Variants in COL4A2 observed in about 807,000 individuals in gnomAD.
COL4A2 encodes collagen type IV alpha 2 chain, also known as collagen alpha-2(IV) chain.
In COL4A2, 99 loss-of-function variants were observed where a neutral mutation model predicts 200.2. That is an observed-to-expected ratio of 0.49 (90% CI 0.42 to 0.58). The LOEUF (loss-of-function observed/expected upper bound fraction) is 0.58, where lower values mean the gene tolerates loss of function less well. Among genes scored for constraint, COL4A2 ranks in the 20% least tolerant of loss-of-function variants. COL4A2 has a pLI of 0.00. For missense variants in COL4A2, 1,950 were observed against 2,314.1 expected (o/e 0.84, Z 3.23); for synonymous variants, 897 against 900.6 (o/e 1.00, Z 0.07).
chr13:110,430,066 C>A, intron 8 of COL4A2, 110 bp downstream of exon 8: 1 of 1,130,560 alleles, frequency 8.8e-7, no homozygotes, highest in Non-Finnish European at 1.2e-6. Context: ...GTACTGAAGG[C>A]ATGCCTAGAA....
chr13:110,345,387 G>T (rs944357697), intron 3 of COL4A2, among the ~76,000 whole-genome samples: 2 of 152,164 alleles, frequency 1.3e-5, no homozygotes, highest in African/African-American at 4.8e-5. Context: ...TGGATGCAGG[G>T]GAGCAGAACC....
At chr13:110,479,608 G>T (rs903188975) in intron 30 of COL4A2, among the ~76,000 whole-genome samples, 5 of 152,218 alleles carry the variant, frequency 3.3e-5, no homozygotes, top group Non-Finnish European at 5.9e-5. Context: ...TTGGAGCCCC[G>T]AGGCAGAGGG....
intron 4 of COL4A2, among the ~76,000 whole-genome samples, chr13:110,405,137 A>G (rs1042626780): frequency 2.0e-5 from 3 of 152,204 alleles, no homozygotes; most frequent in Non-Finnish European, 2.9e-5. Context: ...AGAAATAAAT[A>G]AAATTTAAAA....
chr13:110,468,196 G>A (rs1215512437), intron 27 of COL4A2: 1 of 471,360 alleles, frequency 2.1e-6, no homozygotes. Context: ...GTGATCACAG[G>A]GCCTGGGGAG....
At chr13:110,436,409 AAGG>A in intron 13 of COL4A2, 42 bp downstream of exon 13, 1 of 1,594,574 alleles carries the variant, frequency 6.3e-7, no homozygotes, top group Non-Finnish European at 8.6e-7. Flanking sequence ...GAAATAAAAA[AAGG>A]AGAGTAAAAG....
intron 3 of COL4A2, among the ~76,000 whole-genome samples, chr13:110,309,248 G>T (rs1884905860): frequency 6.6e-6 from 1 of 152,180 alleles, no homozygotes; most frequent in Non-Finnish European, 1.5e-5. Flanking sequence ...TGTTGGTTCC[G>T]GTTCAAAGCT....
intron 3 of COL4A2, among the ~76,000 whole-genome samples, chr13:110,317,614 A>C (rs145135520): frequency 0.013 from 1,999 of 152,276 alleles, 52 homozygotes; most frequent in African/African-American, 0.046. Flanking sequence ...AGAGGCCCTT[A>C]AAGGATGACC....
Position 110,385,629 on chromosome 13 carries a change from G to A in COL4A2, c.180+28077G>A. Among the ~76,000 whole-genome samples, 2 of 150,290 alleles carry A rather than the reference G, an allele frequency of 1.3e-5. 1 individual carries two copies. Among genetic ancestry groups the A allele is most frequent in the East Asian group, 3.9e-4 (2 of 5,140 alleles). The stretch of plus-strand genomic sequence containing the variant: ...TGGATAGGCCGTGGCTACAGTGTGT[G>A]GATAGGCCGTGGCTACAGTGTGTGG... On this transcript the variant is annotated intron_variant, in intron 4 of 47. Coordinates refer to ENST00000360467, the MANE Select transcript of COL4A2 (RefSeq NM_001846.4).
At chr13:110,316,721 A>G (rs1340708999) in intron 3 of COL4A2, among the ~76,000 whole-genome samples, 2 of 152,204 alleles carry the variant, frequency 1.3e-5, no homozygotes, top group African/African-American at 4.8e-5. Flanking sequence ...GGGTAAACTG[A>G]GGCATGTGCA....
intron 4 of COL4A2, among the ~76,000 whole-genome samples, chr13:110,394,728 CG>C (rs1879126611): frequency 6.6e-6 from 1 of 152,116 alleles, no homozygotes; most frequent in African/African-American, 2.4e-5. Flanking sequence ...GCGGGTGGGC[CG>C]ATGAATTACT....
At chr13:110,469,057 T>C (rs193272451) in intron 27 of COL4A2, among the ~76,000 whole-genome samples, 160 bp from the exon 28 acceptor site, 1 of 152,162 alleles carries the variant, frequency 6.6e-6, no homozygotes, top group African/African-American at 2.4e-5. Flanking sequence ...ACACTGAAAA[T>C]CATTCTGTAA....
At chr13:110,454,919 C>T (rs1390171684) in intron 20 of COL4A2, among the ~76,000 whole-genome samples, 1 of 152,160 alleles carries the variant, frequency 6.6e-6, no homozygotes, top group African/African-American at 2.4e-5. Context: ...GTCCCCACCC[C>T]CTGCCACCCC....
chr13:110,321,019 TA>T (rs1885260462), intron 3 of COL4A2, among the ~76,000 whole-genome samples: 1 of 152,198 alleles, frequency 6.6e-6, no homozygotes, highest in African/African-American at 2.4e-5. Context: ...TTCATGTGTT[TA>T]AAAACTAGGT....
intron 29 of COL4A2, among the ~76,000 whole-genome samples, chr13:110,475,742 G>A (rs1188530432): frequency 3.3e-5 from 5 of 152,320 alleles, no homozygotes; most frequent in African/African-American, 9.6e-5. Flanking sequence ...TGTGCAGGAC[G>A]GCCACAAACA....
intron 11 of COL4A2, among the ~76,000 whole-genome samples, chr13:110,433,416 CTT>C (rs1880757268): frequency 6.7e-6 from 1 of 150,258 alleles, no homozygotes; most frequent in Non-Finnish European, 1.5e-5. Flanking sequence ...TTCCTGGTGA[CTT>C]TGACGACCAG....
Position 110,424,634 on chromosome 13 carries a change from T to C in COL4A2, c.181-100T>C. 3 of 725,746 alleles carry C rather than the reference T, an allele frequency of 4.1e-6. No individual in the cohort carries two copies. In the East Asian group the frequency reaches 7.7e-5, roughly 19 times the overall value. 45.0% of individuals were successfully genotyped at this position (725,746 alleles called of 1,614,324 possible). ...ATGTTCCCTGTAGATTATAGCTCTT[T>C]AAAAACAAAAAAAAAAATGTAGTTT... On this transcript the variant is annotated intron_variant, in intron 4 of 47. Coordinates refer to ENST00000360467, the MANE Select transcript of COL4A2 (RefSeq NM_001846.4).
chr13:110,370,035 A>G (rs1339417918), intron 4 of COL4A2, among the ~76,000 whole-genome samples: 1 of 152,052 alleles, frequency 6.6e-6, no homozygotes, highest in Non-Finnish European at 1.5e-5. Flanking sequence ...TGACCTTAAG[A>G]TTTCAACTTT....
chr13:110,324,419 G>T (rs1190232138), intron 3 of COL4A2, among the ~76,000 whole-genome samples: 1 of 152,226 alleles, frequency 6.6e-6, no homozygotes, highest in African/African-American at 2.4e-5. Flanking sequence ...GGAGGAAGGA[G>T]CTTGCCTGAG....
chr13:110,502,308 CT>C (rs1883672596), intron 41 of COL4A2, among the ~76,000 whole-genome samples: 1 of 152,126 alleles, frequency 6.6e-6, no homozygotes, highest in South Asian at 2.1e-4. Context: ...AGGAGTCCGT[CT>C]TTTTTGTTGG....
Sources: gnomAD v4.1 joint callset for allele counts (sites outside exome capture counted in the v4.1 genomes callset) on GRCh38, gnomAD v4.1.1 for gene constraint, MANE v1.5 for transcripts, NCBI Gene and HGNC (gene_info 2026-07-23, HGNC 2026-07-21) for gene names.